The following HMCN2 variants were observed in gnomAD, a reference collection of about 807,000 sequenced individuals.
The protein encoded by HMCN2 is hemicentin 2, also known as hemicentin-2.
HMCN2 carries 325 observed loss-of-function variants against 377.5 expected under a neutral mutation model. That is an observed-to-expected ratio of 0.86 (90% CI 0.79 to 0.94). HMCN2 has a LOEUF of 0.94. HMCN2 is among the 40% of genes least tolerant of loss of function. The probability of loss-of-function intolerance (pLI) is 0.00; values close to 1 mark genes in which losing one functional copy is unlikely to be tolerated. For missense variants in HMCN2, 4,543 were observed against 4,725.3 expected (o/e 0.96, Z 1.13); for synonymous variants, 2,007 against 2,046.8 (o/e 0.98, Z 0.53).
chr9:130,377,665 C>T lies in HMCN2; in HGVS notation c.8078C>T (p.Ser2693Leu), dbSNP rs1472933019. The change falls in exon 53 of 98, where the codon TCG becomes TTG. Residue 2693 changes from serine (S) to leucine (L), a missense_variant. Physicochemically the swap from Ser to Leu is moderately radical, Grantham distance 145. Transcript: ENST00000683500. ...YKDGQPVTPS[S>L]RLQVLGEGRL... ...TCCTCACAGCCCGTGACCCCCAGCT[C>T]GCGGCTGCAGGTCCTGGGTGAAGGG... 2.8e-5 allele frequency: 28 copies of T among 985,952 alleles called. No homozygotes were observed. Among genetic ancestry groups the T allele is most frequent in the Non-Finnish European group, 3.4e-5 (28 of 829,968 alleles). The allele number at this position is 985,952 out of a possible 1,614,324, so 61.1% of individuals were successfully genotyped here.
At chr9:130,411,182 C>G (rs1843387922) in intron 85 of HMCN2, among the ~76,000 whole-genome samples, 1 of 151,206 alleles carries the variant, frequency 6.6e-6, no homozygotes, top group Non-Finnish European at 1.5e-5. Context: ...GCCCCCTGCC[C>G]CAATAATCAC....
intron 97 of HMCN2, 65 bp from the exon 98 acceptor site, chr9:130,433,283 G>A (rs1017777353): frequency 4.6e-6 from 6 of 1,292,616 alleles, no homozygotes; most frequent in Admixed American, 7.4e-5. Context: ...TCTGAGTTAC[G>A]CGGATGGGCC....
At chr9:130,398,877 T>C (rs2131706131) in intron 75 of HMCN2, among the ~76,000 whole-genome samples, 170 bp downstream of exon 75, 1 of 152,224 alleles carries the variant, frequency 6.6e-6, no homozygotes, top group Admixed American at 6.5e-5. Context: ...CACACTGAGA[T>C]AGGGGTGAGG....
rs972935570 is a variant in HMCN2 at position 130,353,167 on chromosome 9, T to G, written c.4826T>G (p.Val1609Gly). 1.5e-6 allele frequency: 2 copies of G among 1,303,778 alleles called. No individual in the cohort carries two copies. Among genetic ancestry groups the G allele is most frequent in the African/African-American group, 3.0e-5 (2 of 65,822 alleles). 80.8% of individuals were successfully genotyped at this position (1,303,778 alleles called of 1,614,324 possible). ...TACACCTGCAAGGCCAGCAATGCTG[T>G]GGGGGCCGCAGAGAAGGCCACCAGG... ...GVYTCKASNA[V>G]GAAEKATRLD... is the part of the protein sequence containing the mutation. The change falls in exon 31 of 98, where the codon GTG becomes GGG. Residue 1609 changes from valine (V) to glycine (G), a missense_variant. Val to Gly is a moderately radical substitution (Grantham distance 109, BLOSUM62 -3). Coordinates refer to ENST00000683500, the MANE Select transcript of HMCN2 (RefSeq NM_001291815.2).
Position 130,382,223 on chromosome 9 carries a change from A to C in HMCN2, c.8471A>C (p.Asn2824Thr). 1 of 985,792 alleles carries C rather than the reference A, an allele frequency of 1.0e-6. No individual in the cohort carries two copies. The highest frequency in any genetic ancestry group is 4.7e-5 in the South Asian group (1 of 21,270). 61.1% of individuals were successfully genotyped at this position (985,792 alleles called of 1,614,324 possible). ...CAGATCCCCCTGGTGCGGGCAGAGA[A>C]CGCCGGGAGGTACTCGTGCAAGGCC... The part of the protein sequence containing the change: ...VLQIPLVRAE[N>T]AGRYSCKASN... Residue 2824 changes from asparagine to threonine, a missense_variant, in exon 55 of 98, where the codon AAC (asparagine) becomes ACC (threonine). Physicochemically the swap from Asn to Thr is moderately conservative, Grantham distance 65. This residue lies in a region of HMCN2 where 736 missense variants were observed against 773.2 expected (regional missense o/e 0.95). Coordinates refer to ENST00000683500, the MANE Select transcript of HMCN2 (RefSeq NM_001291815.2).
intron 19 of HMCN2, among the ~76,000 whole-genome samples, chr9:130,322,512 A>G (rs1837912958): frequency 1.3e-5 from 2 of 152,168 alleles, no homozygotes; most frequent in Admixed American, 6.5e-5. Context: ...CTGTCAATTA[A>G]GATTCAGAGG....
chr9:130,391,081 C>G lies in HMCN2; in HGVS notation c.9628C>G (p.Gln3210Glu), dbSNP rs980845594. Residue 3210 changes from glutamine (Q) to glutamate (E), a missense_variant, in exon 63 of 98, where the codon CAG becomes GAG. Gln to Glu is a conservative substitution (Grantham distance 29, BLOSUM62 2). Coordinates refer to ENST00000683500, the MANE Select transcript of HMCN2 (RefSeq NM_001291815.2). ...GTYTCVAENTQAEARKDFVVA... is the reference protein window; with the variant it reads ...GTYTCVAENTEAEARKDFVVA... ...CTACACGTGCGTGGCTGAGAACACC[C>G]AGGCTGAGGCCCGCAAGGACTTCGT... 23 of 987,704 alleles carry G rather than the reference C, an allele frequency of 2.3e-5. No individual in the cohort carries two copies. In the African/African-American group the frequency reaches 3.5e-4, roughly 15 times the overall value. 61.2% of individuals were successfully genotyped at this position (987,704 alleles called of 1,614,324 possible).
At chr9:130,357,281 G>T (rs1840087879) in intron 34 of HMCN2, among the ~76,000 whole-genome samples, 2 of 148,386 alleles carry the variant, frequency 1.3e-5, no homozygotes, top group South Asian at 4.4e-4. Flanking sequence ...TGGGTGGGTG[G>T]GTGGATGGAT....
chr9:130,419,773 A>G (rs1215995870), intron 86 of HMCN2, among the ~76,000 whole-genome samples: 1 of 151,504 alleles, frequency 6.6e-6, no homozygotes, highest in Non-Finnish European at 1.5e-5. Context: ...CTATCACCAC[A>G]TGCGTTGGCA....
intron 78 of HMCN2, 83 bp from the exon 79 acceptor site, chr9:130,403,111 C>A (rs1172486126): frequency 3.3e-6 from 4 of 1,205,708 alleles, no homozygotes; most frequent in Middle Eastern, 2.3e-4. Context: ...AGAGGCCTCT[C>A]TCTCTGATGC....
intron 96 of HMCN2, 101 bp from the exon 97 acceptor site, chr9:130,432,328 C>A: frequency 9.1e-7 from 1 of 1,094,644 alleles, no homozygotes; most frequent in South Asian, 1.4e-5. Context: ...GGCTGCCCAC[C>A]TCACTGGTCC....
intron 85 of HMCN2, among the ~76,000 whole-genome samples, chr9:130,412,265 C>T (rs1322795203): frequency 6.6e-6 from 1 of 152,240 alleles, no homozygotes; most frequent in Non-Finnish European, 1.5e-5. Flanking sequence ...AGCCACTGCA[C>T]CCAGGGCTTG....
chr9:130,356,487 A>G (rs2131545972), intron 34 of HMCN2, among the ~76,000 whole-genome samples: 1 of 152,276 alleles, frequency 6.6e-6, no homozygotes, highest in African/African-American at 2.4e-5. Context: ...TCCTCTCCCC[A>G]GCTTCCTCTC....
chr9:130,359,318 G>A lies in HMCN2; in HGVS notation c.5678-1G>A, dbSNP rs1324386848. The stretch of plus-strand genomic sequence containing the variant: ...CTGGGTCTCTCCTTGTCTCCCCCTA[G>A]TGCCCCCCAACATCGAGCCAGGCCC... On this transcript the variant is annotated splice_acceptor_variant, in intron 36 of 97. Transcript: ENST00000683500. LOFTEE classifies it high-confidence loss of function. 7.7e-6 allele frequency: 10 copies of A among 1,301,482 alleles called. No homozygotes were observed. Among genetic ancestry groups the A allele is most frequent in the African/African-American group, 1.5e-5 (1 of 65,786 alleles). 80.6% of individuals were successfully genotyped at this position (1,301,482 alleles called of 1,614,324 possible).
intron 85 of HMCN2, 124 bp from the exon 86 acceptor site, chr9:130,418,648 C>T: frequency 1.3e-6 from 1 of 756,494 alleles, no homozygotes. Context: ...TGGAAGGATC[C>T]TATGCAGTTC....
intron 85 of HMCN2, among the ~76,000 whole-genome samples, chr9:130,417,941 A>G (rs1351847932): frequency 6.6e-6 from 1 of 152,088 alleles, no homozygotes; most frequent in Non-Finnish European, 1.5e-5. Context: ...TCCTTTCCAT[A>G]CTAGCCTTCC....
At chr9:130,353,469 C>T (rs1430550994) in intron 31 of HMCN2, among the ~76,000 whole-genome samples, 1 of 152,194 alleles carries the variant, frequency 6.6e-6, no homozygotes, top group South Asian at 2.1e-4. Context: ...CAGGTCTCCC[C>T]TCATGGTGTG....
At chr9:130,287,580 A>T (rs1835486414) in intron 4 of HMCN2, among the ~76,000 whole-genome samples, 10 of 121,438 alleles carry the variant, frequency 8.2e-5, no homozygotes, top group Admixed American at 7.6e-4. Context: ...AAAAAAAAAG[A>T]TTAGGTCTCC....
rs142363055 is a variant in HMCN2, at chr9:130,395,876, G to A, written c.10912-48G>A. ...CACATCTGCTGCCGGGTGGCCTGAC[G>A]CAGCTGGGCACTGATAAGGGTCTGT... On this transcript the variant is annotated intron_variant, in intron 71 of 97. Transcript: ENST00000683500. 700 of 1,247,794 alleles carry A rather than the reference G, an allele frequency of 5.6e-4. 2 individuals carry two copies. Among genetic ancestry groups the A allele is most frequent in the African/African-American group, 4.4e-3 (284 of 65,090 alleles). The allele number at this position is 1,247,794 out of a possible 1,614,324, so 77.3% of individuals were successfully genotyped here. A position where few individuals can be genotyped will look rare whatever the true frequency, so the allele number is the denominator to read the frequency against.
Sources: allele counts gnomAD v4.1 joint callset (sites outside exome capture counted in the v4.1 genomes callset), GRCh38; gene constraint gnomAD v4.1.1; regional missense constraint gnomAD v4.1.1; transcripts MANE v1.5; gene names NCBI Gene and HGNC (gene_info 2026-07-23, HGNC 2026-07-21).